The following MOGAT1 variants were observed in gnomAD, a reference collection of about 807,000 sequenced individuals.
MOGAT1 encodes the protein 2-acylglycerol O-acyltransferase 1.
In MOGAT1, 32 loss-of-function variants were observed where a neutral mutation model predicts 31.4. The ratio of observed to expected loss-of-function variants is 1.02; its 90% confidence interval spans 0.77 to 1.37. The LOEUF is 1.37. MOGAT1 is among the 40% of genes most tolerant of loss of function. The pLI is 0.00. For missense variants in MOGAT1, 426 were observed against 402.0 expected, an observed-to-expected ratio of 1.06 and a Z score of -0.51; for synonymous variants, 145 against 144.5, an observed-to-expected ratio of 1.00 and a Z score of -0.03.
chr2:222,696,771 G>A (rs1692841316), intron 5 of MOGAT1, among the ~76,000 whole-genome samples: 1 of 152,214 alleles, frequency 6.6e-6, no homozygotes, highest in Non-Finnish European at 1.5e-5. Flanking sequence ...CAAGTGTGGT[G>A]GCACACACCT....
chr2:222,707,385 A>C (rs1453301849), intron 5 of MOGAT1, among the ~76,000 whole-genome samples: 1 of 146,578 alleles, frequency 6.8e-6, no homozygotes, highest in Non-Finnish European at 1.5e-5. Flanking sequence ...AAGAAAGAAA[A>C]GAAAAGAGAA....
chr2:222,698,298 G>A lies in MOGAT1; in HGVS notation c.853+3010G>A, dbSNP rs1428416338. ...AGTTTCTCAATCCCCCAAGTGTAAG[G>A]GTGACATGGAAACAGGGAGGTGACA... On this transcript the variant is annotated intron_variant, in intron 5 of 5. Coordinates refer to ENST00000446656, the MANE Select transcript of MOGAT1 (RefSeq NM_058165.3). Among the ~76,000 whole-genome samples, 3 of 152,286 alleles carry A rather than the reference G, an allele frequency of 2.0e-5. No homozygotes were observed. The East Asian group carries it at 5.8e-4, about 29-fold the overall frequency.
chr2:222,694,520 AT>A lies in MOGAT1; in HGVS notation c.639del (p.Ile213MetfsTer3). On this transcript the variant is annotated frameshift_variant, in exon 4 of 6. Coordinates refer to ENST00000446656, the MANE Select transcript of MOGAT1 (RefSeq NM_058165.3). LOFTEE classifies it high-confidence loss of function. ...FIRQRKGFVKIALTHGASLVP... is the reference protein window; with the variant it reads ...FIRQRKGFVKXALTHGASLVP... Reference sequence around the variant, plus strand: ...CCGCCAGCGGAAAGGATTTGTTAAAATTGCTTTGACCCATGGGTAAGTGGCT... The same window carrying A: ...CCGCCAGCGGAAAGGATTTGTTAAAATGCTTTGACCCATGGGTAAGTGGCT... 6.2e-7 allele frequency: 1 copy of A among 1,613,724 alleles called. No homozygotes were observed. The highest frequency in any genetic ancestry group is 8.5e-7 in the Non-Finnish European group (1 of 1,179,742).
At chr2:222,695,444 T>C (rs575037377) in intron 5 of MOGAT1, among the ~76,000 whole-genome samples, 156 bp downstream of exon 5, 8 of 152,354 alleles carry the variant, frequency 5.3e-5, no homozygotes, top group African/African-American at 1.7e-4. Context: ...GGTATTCCTT[T>C]TATTTATGAA....
intron 1 of MOGAT1, chr2:222,677,971 T>C (rs573076182): frequency 8.3e-5 from 21 of 253,412 alleles, no homozygotes; most frequent in Admixed American, 7.4e-4. Flanking sequence ...TTGAAATGTA[T>C]AGATTTTTTC....
rs141002067 is a variant in MOGAT1 at position 222,706,026 on chromosome 2, G to A, written c.854-3710G>A. ...CGGTTTGGGGTTAGTTTAAGAAGCA[G>A]GGGCAGGAATGCTGGGTTTAAGTCG... On this transcript the variant is annotated intron_variant, in intron 5 of 5. Transcript: ENST00000446656. Among the ~76,000 whole-genome samples, 3 of 152,346 alleles carry A rather than the reference G, an allele frequency of 2.0e-5. No homozygotes were observed. The East Asian group carries it at 5.8e-4, about 29-fold the overall frequency.
rs556482940 is a variant in MOGAT1 at position 222,681,825 on chromosome 2, C to A, written c.95-6519C>A. 8.5e-5 allele frequency among the ~76,000 whole-genome samples: 13 copies of A among 152,140 alleles called. No homozygotes were observed. In the South Asian group the frequency reaches 1.5e-3, roughly 17 times the overall value. ...AGGACTGGGGTCCAAATATTAAGAA[C>A]AAAAGATGGAAAGATGTACCTAGCA... On this transcript the variant is annotated intron_variant, in intron 1 of 5. Transcript: ENST00000446656.
intron 1 of MOGAT1, among the ~76,000 whole-genome samples, chr2:222,686,203 G>A (rs183204599): frequency 1.3e-5 from 2 of 152,288 alleles, no homozygotes; most frequent in East Asian, 1.9e-4. Flanking sequence ...GGAGGATAGC[G>A]TGGCTTTGTG....
chr2:222,702,231 G>A (rs1204968235), intron 5 of MOGAT1, among the ~76,000 whole-genome samples: 1 of 152,208 alleles, frequency 6.6e-6, no homozygotes, highest in Non-Finnish European at 1.5e-5. Flanking sequence ...ACAAGAGGGA[G>A]GGGGTCCTCA....
rs1283642256 is a variant in MOGAT1, at chr2:222,671,875, G to A, written c.90G>A (p.Leu30=). 1 of 1,550,794 alleles carries A rather than the reference G, an allele frequency of 6.4e-7. No individual in the cohort carries two copies. Among genetic ancestry groups the A allele is most frequent in the East Asian group, 2.4e-5 (1 of 40,912 alleles). ...AVLQWVLKYL[L]LGPMSIGITV... ...TGCAGTGGGTCCTGAAATACCTGCT[G>A]CTCGGTAAGGACCCCGCCCCCCGGG... The change falls in exon 1 of 6, where the codon CTG becomes CTA. Residue 30 remains leucine (L), a synonymous_variant. Transcript: ENST00000446656.
At chr2:222,694,259 G>C (rs1692808510) in intron 3 of MOGAT1, 103 bp from the exon 4 acceptor site, 1 of 1,104,922 alleles carries the variant, frequency 9.1e-7, no homozygotes, top group Admixed American at 3.1e-5. Context: ...AAGCAGTGTA[G>C]GAAATTTTGT....
rs1553562912 is a variant in MOGAT1, at chr2:222,701,299, GGAGA to G, written c.853+6038_853+6041del. Among the ~76,000 whole-genome samples, 724 of 90,522 alleles carry G rather than the reference GGAGA, an allele frequency of 8.0e-3. 5 individuals carry two copies. Among genetic ancestry groups the G allele is most frequent in the East Asian group, 0.019 (82 of 4,238 alleles). 59.4% of individuals were successfully genotyped at this position (90,522 alleles called of 152,430 possible). ...AAGAGAGAGAGAGAGAGGAGGAGGA[GGAGA>G]GAGAGAGAGAGAGAGAGAGAGAGAG... On this transcript the variant is annotated intron_variant, in intron 5 of 5. Transcript: ENST00000446656.
In MOGAT1 at chr2:222,701,299, GGAGAGAGAGAGAGA is replaced by G. The variant is rs1553562912; in HGVS notation, c.853+6028_853+6041del. Reference sequence around the variant, plus strand: ...AAGAGAGAGAGAGAGAGGAGGAGGAGGAGAGAGAGAGAGAGAGAGAGAGAGAGAGATAAAAGGAA... The same window carrying G: ...AAGAGAGAGAGAGAGAGGAGGAGGAGGAGAGAGAGAGAGAGATAAAAGGAA... On this transcript the variant is annotated intron_variant, in intron 5 of 5. Coordinates refer to ENST00000446656, the MANE Select transcript of MOGAT1 (RefSeq NM_058165.3). 1.2e-4 allele frequency among the ~76,000 whole-genome samples: 11 copies of G among 90,548 alleles called. No individual in the cohort carries two copies. The South Asian group carries it at 2.9e-3, about 24-fold the overall frequency. The allele number at this position is 90,548 out of a possible 152,430, so 59.4% of individuals were successfully genotyped here.
chr2:222,690,570 A>G (rs889224413), intron 3 of MOGAT1, among the ~76,000 whole-genome samples: 1 of 152,128 alleles, frequency 6.6e-6, no homozygotes, highest in Non-Finnish European at 1.5e-5. Flanking sequence ...AAAGAAAGAA[A>G]GAAAAAAAAG....
At chr2:222,685,691 C>G (rs1692654077) in intron 1 of MOGAT1, among the ~76,000 whole-genome samples, 1 of 147,422 alleles carries the variant, frequency 6.8e-6, no homozygotes, top group Non-Finnish European at 1.5e-5. Context: ...ACCTCCGTCT[C>G]TTGGGTTTAA....
intron 1 of MOGAT1, among the ~76,000 whole-genome samples, chr2:222,685,586 TTTC>T (rs1472488785): frequency 2.0e-5 from 3 of 150,084 alleles, no homozygotes; most frequent in South Asian, 4.2e-4. Context: ...TTTATAGTGT[TTTC>T]TTCTTCTTCT....
chr2:222,700,292 AC>A (rs1400472652), intron 5 of MOGAT1, among the ~76,000 whole-genome samples: 3 of 152,232 alleles, frequency 2.0e-5, no homozygotes, highest in Non-Finnish European at 4.4e-5. Flanking sequence ...GCCCAGTTAT[AC>A]CTCTACTGAC....
At chr2:222,702,807 G>C (rs1452694998) in intron 5 of MOGAT1, among the ~76,000 whole-genome samples, 1 of 146,854 alleles carries the variant, frequency 6.8e-6, no homozygotes, top group Non-Finnish European at 1.5e-5. Context: ...CTGGGCAACA[G>C]AACAAGACTT....
At chr2:222,678,354 T>A (rs1283346765) in intron 1 of MOGAT1, 3 of 152,246 alleles carry the variant, frequency 2.0e-5, no homozygotes, top group African/African-American at 7.2e-5. Flanking sequence ...GTGAGCATCT[T>A]TTCATGTGCT....
Sources: gnomAD v4.1 joint callset for allele counts (sites outside exome capture counted in the v4.1 genomes callset) on GRCh38, gnomAD v4.1.1 for gene constraint, MANE v1.5 for transcripts, NCBI Gene and HGNC (gene_info 2026-07-23, HGNC 2026-07-21) for gene names.